The following RBFOX1 variants were observed in gnomAD, a reference collection of about 807,000 sequenced individuals.
The protein encoded by RBFOX1 is RNA binding protein fox-1 homolog 1.
A neutral mutation model predicts 57.7 loss-of-function variants in RBFOX1; 8 were observed. The observed-to-expected ratio is 0.14, with a 90% CI of 0.08 to 0.25. RBFOX1 has a LOEUF of 0.25. RBFOX1 is among the 10% of genes least tolerant of loss of function. RBFOX1 has a pLI of 1.00. For missense variants in RBFOX1, 611 were observed against 548.5 expected, an observed-to-expected ratio of 1.11 and a Z score of -1.14; for synonymous variants, 326 against 222.4, an observed-to-expected ratio of 1.47 and a Z score of -4.15.
chr16:6,540,857 T>C (rs2096805538), intron 2 of RBFOX1, among the ~76,000 whole-genome samples: 1 of 152,184 alleles, frequency 6.6e-6, no homozygotes, highest in South Asian at 2.1e-4. Flanking sequence ...TTATCTCAGA[T>C]TGTATTCATC....
In RBFOX1 at chr16:5,412,675, C is replaced by T. The variant is rs552521339; in HGVS notation, c.220-54541C>T. Among the ~76,000 whole-genome samples, 3 of 152,272 alleles carry T rather than the reference C, an allele frequency of 2.0e-5. No homozygotes were observed. The South Asian group carries it at 6.2e-4, about 32-fold the overall frequency. Reference sequence around the variant, plus strand: ...TGGTTCTTGCTAAGGGCTTTGCAGGCATTTGCTGATTTATTTCTCGTAACA... The same window carrying T: ...TGGTTCTTGCTAAGGGCTTTGCAGGTATTTGCTGATTTATTTCTCGTAACA... On this transcript the variant is annotated intron_variant, in intron 1 of 2. Coordinates refer to the RBFOX1 transcript ENST00000585867.
chr16:6,454,336 C>T (rs118083378), intron 2 of RBFOX1, among the ~76,000 whole-genome samples: 1 of 152,128 alleles, frequency 6.6e-6, no homozygotes, highest in African/African-American at 2.4e-5. Context: ...GCAGGTGAAT[C>T]TCTTAAGCCC....
At chr16:6,242,550 G>A (rs1045513030) in intron 1 of RBFOX1, among the ~76,000 whole-genome samples, 1 of 150,820 alleles carries the variant, frequency 6.6e-6, no homozygotes, top group African/African-American at 2.4e-5. Context: ...ATATTTTACT[G>A]TATGAGTCCA....
intron 3 of RBFOX1, among the ~76,000 whole-genome samples, chr16:7,007,670 C>A (rs755553601): frequency 1.3e-5 from 2 of 152,152 alleles, no homozygotes; most frequent in Non-Finnish European, 2.9e-5. Context: ...AAGCTCTTCT[C>A]TTTAACATGA....
At chr16:7,564,357 T>G (rs1601914601) in intron 5 of RBFOX1, among the ~76,000 whole-genome samples, 1 of 151,318 alleles carries the variant, frequency 6.6e-6, no homozygotes, top group Non-Finnish European at 1.5e-5. Flanking sequence ...GGCCAACATG[T>G]TGAAACCTCC....
intron 3 of RBFOX1, among the ~76,000 whole-genome samples, chr16:6,875,222 T>C (rs541709597): frequency 2.0e-5 from 3 of 152,354 alleles, no homozygotes; most frequent in African/African-American, 4.8e-5. Context: ...ATGATGATAT[T>C]ATCACTATTG....
chr16:5,772,173 A>G (rs1317482562), intron 3 of RBFOX1, among the ~76,000 whole-genome samples: 1 of 152,198 alleles, frequency 6.6e-6, no homozygotes, highest in Non-Finnish European at 1.5e-5. Flanking sequence ...CTCTGTCTAA[A>G]TAAATAAAAA....
intron 4 of RBFOX1, among the ~76,000 whole-genome samples, chr16:7,280,283 A>G (rs1451659921): frequency 6.6e-6 from 1 of 152,140 alleles, no homozygotes; most frequent in South Asian, 2.1e-4. Context: ...CCCCAGCTTC[A>G]CTTAGATCTG....
At chr16:6,936,658 A>G (rs1033381349) in intron 3 of RBFOX1, among the ~76,000 whole-genome samples, 5 of 152,124 alleles carry the variant, frequency 3.3e-5, no homozygotes, top group African/African-American at 9.7e-5. Flanking sequence ...TATGACCGCT[A>G]TTTCACAGAT....
chr16:5,960,127 A>C, intron 4 of RBFOX1, among the ~76,000 whole-genome samples: 1 of 151,996 alleles, frequency 6.6e-6, no homozygotes, highest in Non-Finnish European at 1.5e-5. Flanking sequence ...CTTGAACCCA[A>C]GTGGCGGAGG....
intron 4 of RBFOX1, among the ~76,000 whole-genome samples, chr16:7,260,667 T>A (rs2153065787): frequency 6.6e-6 from 1 of 152,092 alleles, no homozygotes; most frequent in South Asian, 2.1e-4. Context: ...TTATTGATTT[T>A]TTTTTAAGTT....
intron 1 of RBFOX1, among the ~76,000 whole-genome samples, chr16:5,324,394 CAGAGGTTGCA>C (rs2064502279): frequency 6.6e-6 from 1 of 152,148 alleles, no homozygotes; most frequent in Non-Finnish European, 1.5e-5. Flanking sequence ...ACCCAGGAGG[CAGAGGTTGCA>C]GTGAGCCAAG....
At chr16:5,320,769 A>G (rs2064379694) in intron 1 of RBFOX1, among the ~76,000 whole-genome samples, 2 of 152,262 alleles carry the variant, frequency 1.3e-5, no homozygotes, top group South Asian at 4.2e-4. Context: ...CGGGACCACA[A>G]CTTGAAGCTC....
chr16:6,531,267 C>G (rs923201134), intron 2 of RBFOX1, among the ~76,000 whole-genome samples: 2 of 152,156 alleles, frequency 1.3e-5, no homozygotes, highest in Non-Finnish European at 2.9e-5. Context: ...AGACTTCTAA[C>G]TGGGGAAAGA....
rs562397353 is a variant in RBFOX1 at position 7,610,745 on chromosome 16, TG to T, written c.676+3409del. Among the ~76,000 whole-genome samples, 24 of 152,354 alleles carry T rather than the reference TG, an allele frequency of 1.6e-4. No homozygotes were observed. The East Asian group carries it at 4.6e-3, about 29-fold the overall frequency. ...TGAAGACCTGCAAACACTGAAAGTCTGGCTGGCTTAAATCTGAAGTTTCAGG... is the reference window on the plus strand; with the variant it reads ...TGAAGACCTGCAAACACTGAAAGTCTGCTGGCTTAAATCTGAAGTTTCAGG... On this transcript the variant is annotated intron_variant, in intron 10 of 15. Transcript: ENST00000550418.
At chr16:5,424,597 G>C (rs1214974802) in intron 1 of RBFOX1, among the ~76,000 whole-genome samples, 1 of 151,314 alleles carries the variant, frequency 6.6e-6, no homozygotes, top group Non-Finnish European at 1.5e-5. Flanking sequence ...GTGATGGGTT[G>C]ACAGGTACAG....
intron 14 of RBFOX1, among the ~76,000 whole-genome samples, chr16:7,704,119 G>A (rs1212324001): frequency 6.6e-6 from 1 of 152,198 alleles, no homozygotes; most frequent in African/African-American, 2.4e-5. Context: ...CTCTGTCCAA[G>A]TCATGAGAGC....
chr16:7,475,507 C>T (rs1256472162), intron 4 of RBFOX1, among the ~76,000 whole-genome samples: 1 of 151,810 alleles, frequency 6.6e-6, no homozygotes, highest in East Asian at 1.9e-4. Context: ...GTAGAGACGG[C>T]GTTTCACCGT....
chr16:7,201,701 G>T (rs979142500), intron 4 of RBFOX1, among the ~76,000 whole-genome samples: 1 of 152,042 alleles, frequency 6.6e-6, no homozygotes, highest in African/African-American at 2.4e-5. Flanking sequence ...GACCTCAGGT[G>T]GTCCACCCAC....
Sources: allele counts gnomAD v4.1 joint callset (sites outside exome capture counted in the v4.1 genomes callset), GRCh38; gene constraint gnomAD v4.1.1; transcripts MANE v1.5; gene names NCBI Gene and HGNC (gene_info 2026-07-23, HGNC 2026-07-21).